The following PHTF2 variants were observed in gnomAD, a reference collection of about 807,000 sequenced individuals.
PHTF2 encodes the protein protein PHTF2.
PHTF2 carries 60 observed loss-of-function variants against 101.2 expected under a neutral mutation model. The observed-to-expected ratio is 0.59, with a 90% CI of 0.48 to 0.73. PHTF2 has a LOEUF of 0.73. PHTF2 is among the 30% of genes least tolerant of loss of function. The pLI, the probability that PHTF2 is intolerant of heterozygous loss-of-function variation, is 0.00. For synonymous variants in PHTF2, 311 were observed against 307.3 expected, an observed-to-expected ratio of 1.01 and a Z score of -0.13; for missense variants, 747 against 908.7, an observed-to-expected ratio of 0.82 and a Z score of 2.29.
At chr7:77,887,377 C>A (rs1191885938) in intron 3 of PHTF2, among the ~76,000 whole-genome samples, 1 of 149,986 alleles carries the variant, frequency 6.7e-6, no homozygotes, top group Non-Finnish European at 1.5e-5. Context: ...CCTTTTGACT[C>A]TTACCCTTCT....
chr7:77,842,159 G>A (rs1795934945), intron 2 of PHTF2, among the ~76,000 whole-genome samples: 1 of 152,142 alleles, frequency 6.6e-6, no homozygotes, highest in South Asian at 2.1e-4. Context: ...TATAGGAAAT[G>A]TCATAAAATA....
intron 3 of PHTF2, among the ~76,000 whole-genome samples, chr7:77,866,749 G>A (rs185513119): frequency 2.0e-5 from 3 of 151,966 alleles, no homozygotes; most frequent in East Asian, 1.9e-4. Flanking sequence ...AATATTTTTG[G>A]CATTTAAATT....
intron 15 of PHTF2, 94 bp from the exon 15 acceptor site, chr7:77,942,606 G>A (rs891485381): frequency 2.4e-5 from 16 of 653,062 alleles, no homozygotes; most frequent in Non-Finnish European, 4.2e-5. Context: ...ATGGTGATGA[G>A]TCAACACCTT....
At chr7:77,950,131 C>T (rs1463178640) in intron 17 of PHTF2, among the ~76,000 whole-genome samples, 2 of 151,826 alleles carry the variant, frequency 1.3e-5, no homozygotes, top group South Asian at 2.1e-4. Flanking sequence ...GTAGCAGAGC[C>T]GCATTTGAGT....
chr7:77,855,062 G>T (rs58641994), intron 3 of PHTF2, among the ~76,000 whole-genome samples: 8,813 of 152,282 alleles, frequency 0.058, 581 homozygotes, highest in African/African-American at 0.16. Flanking sequence ...TCACAGCTGA[G>T]AATGTGCTGG....
intron 9 of PHTF2, among the ~76,000 whole-genome samples, chr7:77,911,243 GGCTTTTTGCATACAACTA>G (rs1802366891): frequency 1.3e-5 from 2 of 151,660 alleles, no homozygotes; most frequent in Non-Finnish European, 2.9e-5. Context: ...ATACAAAAAT[GGCTTTTTGCATACAACTA>G]TACAAAAATG....
At chr7:77,918,991 A>G (rs1803193004) in intron 9 of PHTF2, among the ~76,000 whole-genome samples, 1 of 152,238 alleles carries the variant, frequency 6.6e-6, no homozygotes, top group Non-Finnish European at 1.5e-5. Flanking sequence ...TGCATAAGAC[A>G]GAAACTTTCT....
intron 1 of PHTF2, among the ~76,000 whole-genome samples, chr7:77,804,318 G>C (rs1330988275): frequency 1.3e-5 from 2 of 151,826 alleles, no homozygotes; most frequent in Admixed American, 6.6e-5. Context: ...TCTTAATGAG[G>C]GGTTTTTTGT....
chr7:77,804,304 T>C (rs115260922), intron 1 of PHTF2, among the ~76,000 whole-genome samples: 27 of 152,290 alleles, frequency 1.8e-4, no homozygotes, highest in African/African-American at 6.5e-4. Flanking sequence ...TCTTGTAGTC[T>C]CTGTCTTAAT....
chr7:77,863,697 T>G (rs980325211), intron 3 of PHTF2, among the ~76,000 whole-genome samples: 3 of 151,974 alleles, frequency 2.0e-5, no homozygotes, highest in African/African-American at 7.2e-5. Context: ...CAAAAAATCA[T>G]GTCCTGATAG....
chr7:77,914,949 G>A (rs1040931209), intron 9 of PHTF2, among the ~76,000 whole-genome samples: 2 of 152,154 alleles, frequency 1.3e-5, no homozygotes, highest in African/African-American at 4.8e-5. Context: ...GTCTCGCTCT[G>A]TTGCCAGGCT....
chr7:77,815,668 A>C (rs1793798214), intron 1 of PHTF2, among the ~76,000 whole-genome samples: 1 of 152,252 alleles, frequency 6.6e-6, no homozygotes, highest in Non-Finnish European at 1.5e-5. Context: ...CTGCAGGGTC[A>C]TAGAGAAATA....
intron 1 of PHTF2, among the ~76,000 whole-genome samples, chr7:77,828,451 A>T (rs1349396812): frequency 6.6e-6 from 1 of 152,182 alleles, no homozygotes; most frequent in Non-Finnish European, 1.5e-5. Flanking sequence ...GCTTTAAAAG[A>T]CATATCAGGT....
chr7:77,859,120 CTCTT>C (rs1178180738), intron 3 of PHTF2, among the ~76,000 whole-genome samples: 3 of 152,204 alleles, frequency 2.0e-5, no homozygotes, highest in South Asian at 2.1e-4. Context: ...CTTCTTCACA[CTCTT>C]TCTGTGTTCT....
intron 3 of PHTF2, among the ~76,000 whole-genome samples, chr7:77,855,331 CT>C (rs1202858283): frequency 6.6e-6 from 1 of 152,218 alleles, no homozygotes; most frequent in Non-Finnish European, 1.5e-5. Flanking sequence ...GGCTCACCTG[CT>C]ATCCAAGTTC....
chr7:77,836,357 A>G (rs1795472064), intron 1 of PHTF2, among the ~76,000 whole-genome samples: 1 of 152,226 alleles, frequency 6.6e-6, no homozygotes, highest in African/African-American at 2.4e-5. Context: ...AAAAATCCAC[A>G]TGTAAGCGGA....
Position 77,869,646 on chromosome 7 carries a change from C to G in PHTF2, c.147+14812C>G, listed in dbSNP as rs558849946. 2.6e-5 allele frequency among the ~76,000 whole-genome samples: 4 copies of G among 152,234 alleles called. No homozygotes were observed. In the East Asian group the frequency reaches 7.7e-4, roughly 29 times the overall value. On this transcript the variant is annotated intron_variant, in intron 3 of 19. Transcript: ENST00000416283. ...TTTTAAGGAACCTTCATACTGTTTACCATGGTGGCTGTACTAATTTACATT... is the reference window on the plus strand; with the variant it reads ...TTTTAAGGAACCTTCATACTGTTTAGCATGGTGGCTGTACTAATTTACATT...
At chr7:77,863,939 C>T (rs1797854130) in intron 3 of PHTF2, among the ~76,000 whole-genome samples, 1 of 152,016 alleles carries the variant, frequency 6.6e-6, no homozygotes, top group African/African-American at 2.4e-5. Context: ...ACCATCCCCG[C>T]TTAGTTTTAA....
chr7:77,851,363 T>A (rs149469242), intron 2 of PHTF2, among the ~76,000 whole-genome samples: 18 of 152,256 alleles, frequency 1.2e-4, no homozygotes, highest in African/African-American at 4.3e-4. Flanking sequence ...AATTTGTCCA[T>A]TTCTTCTAGG....
Sources: gnomAD v4.1 joint callset for allele counts (sites outside exome capture counted in the v4.1 genomes callset) on GRCh38, gnomAD v4.1.1 for gene constraint, MANE v1.5 for transcripts, NCBI Gene and HGNC (gene_info 2026-07-23, HGNC 2026-07-21) for gene names.